SGCD: variants seen among roughly 807,000 people sequenced by gnomAD.
The protein encoded by SGCD is sarcoglycan delta.
SGCD carries 18 observed loss-of-function variants against 36.6 expected under a neutral mutation model. The ratio of observed to expected loss-of-function variants is 0.49; its 90% confidence interval spans 0.34 to 0.73. The LOEUF (loss-of-function observed/expected upper bound fraction) is 0.73, where lower values mean the gene tolerates loss of function less well. Ranked by LOEUF, SGCD falls within the 30% of genes least tolerant of loss-of-function variation. The pLI is 0.01. For missense variants in SGCD, 387 were observed against 346.7 expected (o/e 1.12, Z -0.92); for synonymous variants, 133 against 130.6 (o/e 1.02, Z -0.12).
chr5:156,518,101 C>T (rs553414313), intron 4 of SGCD, among the ~76,000 whole-genome samples: 7 of 152,154 alleles, frequency 4.6e-5, no homozygotes, highest in South Asian at 2.1e-4. Flanking sequence ...ACCCATCTCA[C>T]GTGCAAAGAC....
At chr5:156,503,624 T>C (rs556898066) in intron 3 of SGCD, among the ~76,000 whole-genome samples, 1 of 152,328 alleles carries the variant, frequency 6.6e-6, no homozygotes, top group South Asian at 2.1e-4. Context: ...TTGGAAACAG[T>C]TGAGTTCAAA....
intron 3 of SGCD, among the ~76,000 whole-genome samples, chr5:156,260,353 A>G (rs897818776): frequency 6.6e-6 from 1 of 152,186 alleles, no homozygotes; most frequent in African/African-American, 2.4e-5. Context: ...GGACATCTTG[A>G]CAATATTGAG....
intron 3 of SGCD, among the ~76,000 whole-genome samples, chr5:156,307,910 A>T (rs1767269539): frequency 6.6e-6 from 1 of 152,100 alleles, no homozygotes; most frequent in South Asian, 2.1e-4. Flanking sequence ...TAAACTATAT[A>T]AAAATGTGGA....
At chr5:156,357,496 G>A (rs1318271994) in intron 3 of SGCD, among the ~76,000 whole-genome samples, 2 of 152,214 alleles carry the variant, frequency 1.3e-5, no homozygotes, top group Admixed American at 6.5e-5. Flanking sequence ...TAGGGTCAAT[G>A]AGGAATGGGC....
At chr5:156,274,327 A>G (rs199508688) in intron 3 of SGCD, among the ~76,000 whole-genome samples, 1 of 152,256 alleles carries the variant, frequency 6.6e-6, no homozygotes, top group South Asian at 2.1e-4. Flanking sequence ...ACCTTGCATT[A>G]TTATACAATG....
intron 3 of SGCD, among the ~76,000 whole-genome samples, chr5:156,249,764 A>G (rs1765530419): frequency 6.6e-6 from 1 of 152,220 alleles, no homozygotes; most frequent in African/African-American, 2.4e-5. Context: ...TGCTACATAC[A>G]AAGAACATAA....
intron 3 of SGCD, among the ~76,000 whole-genome samples, chr5:156,260,554 T>A (rs1228332888): frequency 6.6e-6 from 1 of 152,160 alleles, no homozygotes; most frequent in East Asian, 1.9e-4. Flanking sequence ...TATTATAATG[T>A]GTGATATTGC....
rs186610929 is a variant in SGCD, at chr5:156,717,704, C to T, written c.576-39877C>T. On this transcript the variant is annotated intron_variant, in intron 7 of 8. Coordinates refer to ENST00000337851, the MANE Select transcript of SGCD (RefSeq NM_000337.6). ...ACTTTCTGGACCACTGTCTCCCTCC[C>T]CTAATCACTCCAGGGTCAGGTGCCA... Among the ~76,000 whole-genome samples, 336 of 152,290 alleles carry T rather than the reference C, an allele frequency of 2.2e-3. 2 individuals are homozygous for T. Among genetic ancestry groups the T allele is most frequent in the Admixed American group, 5.9e-3 (90 of 15,306 alleles).
At chr5:156,599,308 C>G (rs1157113499) in intron 6 of SGCD, among the ~76,000 whole-genome samples, 2 of 151,854 alleles carry the variant, frequency 1.3e-5, no homozygotes, top group East Asian at 3.9e-4. Flanking sequence ...TTATCAGGAC[C>G]ACTTAGGACC....
intron 4 of SGCD, among the ~76,000 whole-genome samples, chr5:156,555,756 A>T (rs1381873610): frequency 1.3e-5 from 2 of 151,292 alleles, no homozygotes; most frequent in Admixed American, 1.3e-4. Context: ...CCAGGATTGC[A>T]TTTAATCTGT....
chr5:156,300,051 A>G (rs1277693757), intron 3 of SGCD, among the ~76,000 whole-genome samples: 2 of 152,064 alleles, frequency 1.3e-5, no homozygotes, highest in Non-Finnish European at 2.9e-5. Flanking sequence ...CCCATTCAGT[A>G]TAATACTACC....
intron 3 of SGCD, among the ~76,000 whole-genome samples, chr5:156,232,991 A>G (rs924950701): frequency 4.3e-4 from 66 of 152,218 alleles, no homozygotes; most frequent in Admixed American, 4.3e-3. Context: ...ATGAAAAGCT[A>G]GTGGCAGACT....
chr5:156,454,189 T>C (rs1754151555), intron 3 of SGCD, among the ~76,000 whole-genome samples: 1 of 152,210 alleles, frequency 6.6e-6, no homozygotes, highest in South Asian at 2.1e-4. Context: ...CTGTTTTGTT[T>C]CTCAACTCCA....
intron 7 of SGCD, among the ~76,000 whole-genome samples, chr5:156,720,065 C>G (rs1755419914): frequency 6.6e-6 from 1 of 152,160 alleles, no homozygotes; most frequent in South Asian, 2.1e-4. Flanking sequence ...CCCCTGCCTT[C>G]TCTGCAGGAG....
intron 1 of SGCD, among the ~76,000 whole-genome samples, chr5:156,076,827 T>C (rs971629331): frequency 6.6e-6 from 1 of 152,324 alleles, no homozygotes; most frequent in South Asian, 2.1e-4. Context: ...GAACATTTGC[T>C]AGAGACACTT....
chr5:156,611,834 A>C (rs1236451900), intron 6 of SGCD, among the ~76,000 whole-genome samples: 4 of 152,180 alleles, frequency 2.6e-5, no homozygotes, highest in East Asian at 1.9e-4. Flanking sequence ...CATGTTCAAA[A>C]ATTCTTTCTT....
chr5:156,109,626 T>C (rs1481052641), intron 1 of SGCD, among the ~76,000 whole-genome samples: 1 of 152,162 alleles, frequency 6.6e-6, no homozygotes, highest in African/African-American at 2.4e-5. Flanking sequence ...CTTCCAAGCT[T>C]TCTTACCCGT....
At chr5:156,497,182 T>G (rs1353079293) in intron 3 of SGCD, among the ~76,000 whole-genome samples, 2 of 32,406 alleles carry the variant, frequency 6.2e-5, no homozygotes, top group Non-Finnish European at 1.5e-4. Context: ...TCTCTCTCTC[T>G]CTCTCTCTCT....
intron 4 of SGCD, among the ~76,000 whole-genome samples, chr5:156,542,400 T>G (rs1758384085): frequency 6.6e-6 from 1 of 152,218 alleles, no homozygotes; most frequent in African/African-American, 2.4e-5. Context: ...TTGGATATAT[T>G]AAACATAGTC....
Sources: allele counts gnomAD v4.1 joint callset (sites outside exome capture counted in the v4.1 genomes callset), GRCh38; gene constraint gnomAD v4.1.1; transcripts MANE v1.5; gene names NCBI Gene and HGNC (gene_info 2026-07-23, HGNC 2026-07-21).